Variants in NCAPG2 observed in about 807,000 individuals in gnomAD.
The protein encoded by NCAPG2 is non-SMC condensin II complex subunit G2, also known as condensin-2 complex subunit G2.
NCAPG2 carries 53 observed loss-of-function variants against 141.1 expected under a neutral mutation model. The observed-to-expected ratio is 0.38, with a 90% CI of 0.30 to 0.47. NCAPG2 has a LOEUF of 0.47. Among genes scored for constraint, NCAPG2 ranks in the 20% least tolerant of loss-of-function variants. The probability of loss-of-function intolerance (pLI) is 0.99; values close to 1 mark genes in which losing one functional copy is unlikely to be tolerated. For missense variants in NCAPG2, 1,087 were observed against 1,389.0 expected, an observed-to-expected ratio of 0.78 and a Z score of 3.46; for synonymous variants, 499 against 490.7, an observed-to-expected ratio of 1.02 and a Z score of -0.22.
chr7:158,671,756 T>C, intron 12 of NCAPG2, 90 bp from the exon 13 acceptor site: 1 of 1,410,510 alleles, frequency 7.1e-7, no homozygotes, highest in Non-Finnish European at 9.7e-7. Context: ...AAACATTCGG[T>C]TCCATCTTTA....
At chr7:158,693,596 A>C in intron 2 of NCAPG2, 99 bp from the exon 3 acceptor site, 2 of 1,069,626 alleles carry the variant, frequency 1.9e-6, no homozygotes, top group Middle Eastern at 2.7e-4. Context: ...TAACTTCATT[A>C]CAAGTTCAAG....
intron 16 of NCAPG2, 106 bp from the exon 17 acceptor site, chr7:158,658,514 A>G (rs1365986117): frequency 1.0e-5 from 10 of 1,000,514 alleles, no homozygotes; most frequent in Non-Finnish European, 1.4e-5. Flanking sequence ...GTTGCTCAAG[A>G]AGAACCATGG....
At chr7:158,656,823 T>C in intron 17 of NCAPG2, 118 bp from the exon 18 acceptor site, 1 of 1,172,918 alleles carries the variant, frequency 8.5e-7, no homozygotes, top group Admixed American at 2.5e-5. Flanking sequence ...CTTGTTATTA[T>C]ATTAGCACTT....
At chr7:158,662,506 A>G (rs938879706) in intron 15 of NCAPG2, 139 bp from the exon 16 acceptor site, 15 of 691,364 alleles carry the variant, frequency 2.2e-5, no homozygotes, top group Non-Finnish European at 3.1e-5. Context: ...TCTCCACTTT[A>G]GAATCTTCTA....
chr7:158,703,500 C>T (rs1433166310), intron 1 of NCAPG2: 2 of 152,122 alleles, frequency 1.3e-5, no homozygotes, highest in African/African-American at 2.4e-5. Flanking sequence ...TTCCCATTTT[C>T]CCTCTTATAT....
chr7:158,684,563 T>C (rs905294996), intron 8 of NCAPG2, among the ~76,000 whole-genome samples: 1 of 152,218 alleles, frequency 6.6e-6, no homozygotes, highest in African/African-American at 2.4e-5. Context: ...AGCACATTTT[T>C]GAGAGATGAA....
At chr7:158,670,720 G>A (rs6966396) in intron 13 of NCAPG2, among the ~76,000 whole-genome samples, 51,005 of 152,006 alleles carry the variant, frequency 0.34, 8,972 homozygotes, top group African/African-American at 0.42. Flanking sequence ...ATATCTTAGA[G>A]GCCTTTCCAA....
Position 158,689,815 on chromosome 7 carries a change from T to G in NCAPG2, c.672+4A>C, listed in dbSNP as rs1563573610. On this transcript the variant is annotated splice_donor_region_variant and intron_variant, in intron 6 of 27. Transcript: ENST00000356309. The stretch of plus-strand genomic sequence containing the variant: ...AACAGATCAAAAAACAAATACCTAT[T>G]TACCTCTTCTTTCTTGATATAATTA... 6.4e-7 allele frequency: 1 copy of G among 1,570,152 alleles called. No individual in the cohort carries two copies. Among genetic ancestry groups the G allele is most frequent in the African/African-American group, 1.4e-5 (1 of 72,928 alleles).
chr7:158,673,746 G>C (rs1833888301), intron 12 of NCAPG2, among the ~76,000 whole-genome samples: 1 of 152,206 alleles, frequency 6.6e-6, no homozygotes, highest in African/African-American at 2.4e-5. Flanking sequence ...CGGATAGCCA[G>C]GGGGAGCCCG....
At chr7:158,693,839 G>A (rs1455324290) in intron 2 of NCAPG2, among the ~76,000 whole-genome samples, 1 of 152,154 alleles carries the variant, frequency 6.6e-6, no homozygotes, top group Non-Finnish European at 1.5e-5. Context: ...ACAGATTCCA[G>A]CCCCAAGTGG....
rs60866057 is a variant in NCAPG2 at position 158,671,599 on chromosome 7, C to T, written c.1394G>A (p.Arg465Lys). 2 of 1,614,216 alleles carry T rather than the reference C, an allele frequency of 1.2e-6. No homozygotes were observed. The highest frequency in any genetic ancestry group is 1.7e-6 in the Non-Finnish European group (2 of 1,180,024). The change falls in exon 13 of 28, where the codon AGA becomes AAA. Residue 465 changes from arginine to lysine, a missense_variant. Coordinates refer to ENST00000356309, the MANE Select transcript of NCAPG2 (RefSeq NM_017760.7). ...PLLEQLLPAL[R>K]YSLHDNSEKV... ...CTCCGAATTGTCGTGGAGACTGTAT[C>T]TGAGAGCTGGAAGGAGCTGCTCTAA... is the stretch of plus-strand genomic sequence containing the variant.
At chr7:158,654,550 G>T in intron 22 of NCAPG2, 45 bp downstream of exon 22, 1 of 1,568,708 alleles carries the variant, frequency 6.4e-7, no homozygotes, top group South Asian at 1.1e-5. Context: ...GGGAGGGAAG[G>T]ACTGGTTCTG....
chr7:158,681,407 CTT>C (rs753641509), intron 9 of NCAPG2, among the ~76,000 whole-genome samples: 3 of 152,186 alleles, frequency 2.0e-5, no homozygotes, highest in Non-Finnish European at 2.9e-5. Flanking sequence ...CAGTCAGAAT[CTT>C]CCCAAAATTC....
chr7:158,645,406 C>A, intron 26 of NCAPG2, 113 bp downstream of exon 26: 2 of 849,800 alleles, frequency 2.4e-6, no homozygotes, highest in South Asian at 1.6e-5. Context: ...GGCTGGGGGA[C>A]ACCTGAGCTG....
intron 1 of NCAPG2, among the ~76,000 whole-genome samples, chr7:158,703,988 A>G (rs771381283): frequency 7.9e-5 from 12 of 152,052 alleles, no homozygotes; most frequent in African/African-American, 1.2e-4. Flanking sequence ...TCCCATGCCC[A>G]GGACAGAGGG....
chr7:158,633,887 A>G lies in NCAPG2; in HGVS notation c.3381-2170T>C, dbSNP rs1328625729. Among the ~76,000 whole-genome samples, 1 of 152,026 alleles carries G rather than the reference A, an allele frequency of 6.6e-6. No homozygotes were observed. Among genetic ancestry groups the G allele is most frequent in the Non-Finnish European group, 1.5e-5 (1 of 67,990 alleles). On this transcript the variant is annotated intron_variant, in intron 27 of 27. Transcript: ENST00000356309. This position sits in a 1 kb window ranked among gnomAD's most constrained non-coding sequence, Gnocchi z 4.1. ...CAGCTCACCCTCCCAAGTAGCTGGG[A>G]CTATGGTGCACACCACCACACCCAG...
intron 16 of NCAPG2, among the ~76,000 whole-genome samples, chr7:158,660,429 TAA>T (rs1355594574): frequency 4.4e-5 from 4 of 91,402 alleles, no homozygotes; most frequent in African/African-American, 8.5e-5. Flanking sequence ...TTTTTTTTTT[TAA>T]AAGAGGCAGG....
chr7:158,652,757 T>C (rs1291502465), intron 22 of NCAPG2, among the ~76,000 whole-genome samples: 2 of 152,240 alleles, frequency 1.3e-5, no homozygotes, highest in African/African-American at 4.8e-5. Flanking sequence ...ATTGTGTTCA[T>C]TGCACATGTG....
intron 26 of NCAPG2, among the ~76,000 whole-genome samples, chr7:158,644,662 G>C (rs2129457323): frequency 6.6e-6 from 1 of 152,332 alleles, no homozygotes; most frequent in Non-Finnish European, 1.5e-5. Flanking sequence ...AACCAATCCT[G>C]TTTCAGAGTC....
Sources: gnomAD v4.1 joint callset for allele counts (sites outside exome capture counted in the v4.1 genomes callset) on GRCh38, gnomAD v4.1.1 for gene constraint, Gnocchi (gnomAD v3.1) non-coding constraint, MANE v1.5 for transcripts, NCBI Gene and HGNC (gene_info 2026-07-23, HGNC 2026-07-21) for gene names.